Variants in CNTN5 observed in about 807,000 individuals in gnomAD.
CNTN5 encodes contactin-5.
A neutral mutation model predicts 129.1 loss-of-function variants in CNTN5; 77 were observed. That is an observed-to-expected ratio of 0.60 (90% CI 0.50 to 0.72). The LOEUF is 0.72. CNTN5 is among the 30% of genes least tolerant of loss of function. The probability of loss-of-function intolerance (pLI) is 0.00; values close to 1 mark genes in which losing one functional copy is unlikely to be tolerated. For missense variants in CNTN5, 1,478 were observed against 1,328.8 expected (o/e 1.11, Z -1.75); for synonymous variants, 509 against 465.6 (o/e 1.09, Z -1.20).
intron 2 of CNTN5, among the ~76,000 whole-genome samples, chr11:99,408,367 CAAA>C (rs765731039): frequency 3.0e-5 from 2 of 67,272 alleles, no homozygotes; most frequent in African/African-American, 9.7e-5. Context: ...ACCAGGCTAC[CAAA>C]AAAAAAAAAA....
chr11:99,850,832 A>G (rs1420468108), intron 6 of CNTN5, among the ~76,000 whole-genome samples: 2 of 152,142 alleles, frequency 1.3e-5, no homozygotes, highest in African/African-American at 4.8e-5. Context: ...ACACTTCCTC[A>G]AAGAAACAAA....
intron 2 of CNTN5, among the ~76,000 whole-genome samples, chr11:99,391,936 A>T (rs924858680): frequency 2.0e-5 from 3 of 151,972 alleles, no homozygotes; most frequent in African/African-American, 7.2e-5. Context: ...CTCAAGAAGT[A>T]AAACAGAATT....
intron 9 of CNTN5, among the ~76,000 whole-genome samples, chr11:100,060,776 A>T (rs1050488797): frequency 3.7e-4 from 56 of 150,846 alleles, no homozygotes; most frequent in African/African-American, 1.3e-3. Flanking sequence ...AATAGCTGGG[A>T]TTATAGGCGC....
chr11:99,963,396 C>G lies in CNTN5; in HGVS notation c.877+6387C>G, dbSNP rs575567997. ...ACATATGGCTAGCCAGTTTTCCCAG[C>G]ACCATTTATTAAATAGGGAATCCTT... is the stretch of plus-strand genomic sequence containing the variant. On this transcript the variant is annotated intron_variant, in intron 8 of 24. Coordinates refer to ENST00000524871, the MANE Select transcript of CNTN5 (RefSeq NM_014361.4). 4.7e-3 allele frequency among the ~76,000 whole-genome samples: 716 copies of G among 152,284 alleles called. 5 individuals are homozygous for G. Among genetic ancestry groups the G allele is most frequent in the African/African-American group, 0.015 (641 of 41,550 alleles).
chr11:100,101,217 G>T (rs762785603), intron 13 of CNTN5, among the ~76,000 whole-genome samples: 4 of 152,088 alleles, frequency 2.6e-5, no homozygotes, highest in Non-Finnish European at 5.9e-5. Context: ...TGGCATGTTG[G>T]TATATATGAG....
At chr11:100,063,264 A>C (rs1031379732) in intron 10 of CNTN5, among the ~76,000 whole-genome samples, 2 of 151,940 alleles carry the variant, frequency 1.3e-5, no homozygotes, top group African/African-American at 4.8e-5. Flanking sequence ...ACTCCTTATT[A>C]CTGGTGTACA....
intron 1 of CNTN5, among the ~76,000 whole-genome samples, chr11:99,072,626 TC>T (rs1463207260): frequency 1.3e-5 from 2 of 152,104 alleles, no homozygotes; most frequent in African/African-American, 4.8e-5. Context: ...GGTTAGTTCT[TC>T]CAGGATGAAT....
chr11:99,209,728 A>T (rs1859670786), intron 1 of CNTN5, among the ~76,000 whole-genome samples: 2 of 152,322 alleles, frequency 1.3e-5, no homozygotes, highest in African/African-American at 4.8e-5. Flanking sequence ...AGTAATGAAT[A>T]GACAGTAAAT....
chr11:99,813,761 A>T (rs1039254030), intron 3 of CNTN5, among the ~76,000 whole-genome samples: 1 of 152,136 alleles, frequency 6.6e-6, no homozygotes, highest in African/African-American at 2.4e-5. Context: ...TTGGAATTAC[A>T]TAAAGACAAT....
At chr11:99,831,578 C>T (rs909513912) in intron 4 of CNTN5, among the ~76,000 whole-genome samples, 4 of 151,818 alleles carry the variant, frequency 2.6e-5, no homozygotes, top group African/African-American at 9.7e-5. Context: ...AAAGCTATAG[C>T]GGATCCAACT....
intron 2 of CNTN5, among the ~76,000 whole-genome samples, chr11:99,436,079 C>T (rs1011186123): frequency 1.4e-4 from 22 of 152,116 alleles, no homozygotes; most frequent in African/African-American, 5.1e-4. Context: ...TATTACAACG[C>T]TACCAAAGAT....
chr11:99,260,870 A>G (rs1388089460), intron 1 of CNTN5, among the ~76,000 whole-genome samples: 2 of 151,940 alleles, frequency 1.3e-5, no homozygotes, highest in African/African-American at 4.8e-5. Context: ...TACAAATGCT[A>G]TGTATGTATA....
chr11:99,118,660 G>T (rs1858158538), intron 1 of CNTN5, among the ~76,000 whole-genome samples: 1 of 151,936 alleles, frequency 6.6e-6, no homozygotes, highest in Non-Finnish European at 1.5e-5. Flanking sequence ...CTCTTTAATT[G>T]AAGCTTTTGA....
chr11:99,934,160 C>G (rs1051208201), intron 7 of CNTN5, among the ~76,000 whole-genome samples: 1 of 152,164 alleles, frequency 6.6e-6, no homozygotes, highest in Admixed American at 6.5e-5. Context: ...TTCCTCCTTT[C>G]CTAGTTAGCA....
chr11:100,065,524 A>G (rs1943663092), intron 10 of CNTN5, among the ~76,000 whole-genome samples: 1 of 152,004 alleles, frequency 6.6e-6, no homozygotes, highest in African/African-American at 2.4e-5. Context: ...ACTCACAATA[A>G]CCCTTAGGTC....
rs71046684 is a variant in CNTN5, at chr11:99,422,518, TTATATA to T, written c.-71+97072_-71+97077del. ...AAGCGATTCATGTTACTTTATATTT[TTATATA>T]TATATATATATATATATATATATAT... On this transcript the variant is annotated intron_variant, in intron 2 of 24. Transcript: ENST00000524871. Among the ~76,000 whole-genome samples the T allele has an allele frequency of 4.6e-3, 386 of 83,384 alleles. 1 individual carries two copies. The highest frequency in any genetic ancestry group is 5.2e-3 in the Non-Finnish European group (211 of 40,774). 54.7% of individuals were successfully genotyped at this position (83,384 alleles called of 152,430 possible).
At chr11:99,913,628 G>T (rs993655763) in intron 6 of CNTN5, among the ~76,000 whole-genome samples, 8 of 151,874 alleles carry the variant, frequency 5.3e-5, no homozygotes, top group Non-Finnish European at 1.2e-4. Flanking sequence ...TGGGTCATTG[G>T]GATCTCAAAA....
At chr11:100,099,874 G>A (rs1320507496) in intron 13 of CNTN5, among the ~76,000 whole-genome samples, 3 of 151,844 alleles carry the variant, frequency 2.0e-5, no homozygotes, top group Non-Finnish European at 4.4e-5. Flanking sequence ...CCTTTATTTA[G>A]TATAATCTTC....
chr11:100,036,615 C>A (rs959516990), intron 9 of CNTN5, among the ~76,000 whole-genome samples: 2 of 149,518 alleles, frequency 1.3e-5, no homozygotes, highest in African/African-American at 4.9e-5. Flanking sequence ...GAATGTTCTT[C>A]CATTTGTTTG....
Sources: gnomAD v4.1 joint callset for allele counts (sites outside exome capture counted in the v4.1 genomes callset) on GRCh38, gnomAD v4.1.1 for gene constraint, MANE v1.5 for transcripts, NCBI Gene and HGNC (gene_info 2026-07-23, HGNC 2026-07-21) for gene names.